Variants in HIBADH observed in about 807,000 individuals in gnomAD.
HIBADH encodes 3-hydroxyisobutyrate dehydrogenase, mitochondrial.
A neutral mutation model predicts 36.1 loss-of-function variants in HIBADH; 25 were observed. The ratio of observed to expected loss-of-function variants is 0.69; its 90% CI spans 0.50 to 0.97. The LOEUF (loss-of-function observed/expected upper bound fraction) is 0.97, where lower values mean the gene tolerates loss of function less well. Ranked by LOEUF, HIBADH falls within the 50% of genes least tolerant of loss-of-function variation. The pLI, the probability that HIBADH is intolerant of heterozygous loss-of-function variation, is 0.00. For missense variants in HIBADH, 421 were observed against 418.0 expected (o/e 1.01, Z -0.06); for synonymous variants, 160 against 149.5 (o/e 1.07, Z -0.51).
At chr7:27,662,293 C>A (rs781216007) in intron 1 of HIBADH, among the ~76,000 whole-genome samples, 58 of 152,156 alleles carry the variant, frequency 3.8e-4, no homozygotes, top group Middle Eastern at 3.4e-3. Flanking sequence ...CAAGGTGCAC[C>A]CTGGGGGCGC....
At chr7:27,531,432 CTTCTCTCTCCATT>C (rs1215028137) in intron 6 of HIBADH, 84 bp from the exon 7 acceptor site, 1 of 1,182,154 alleles carries the variant, frequency 8.5e-7, no homozygotes, top group Non-Finnish European at 1.2e-6. Context: ...GATGCTCCAT[CTTCTCTCTCCATT>C]TATTATATGT....
intron 2 of HIBADH, among the ~76,000 whole-genome samples, chr7:27,646,091 G>A (rs1372473315): frequency 1.3e-5 from 2 of 152,036 alleles, no homozygotes; most frequent in African/African-American, 4.8e-5. Context: ...CATCTTTGGG[G>A]GTTGGGGAGG....
intron 6 of HIBADH, among the ~76,000 whole-genome samples, chr7:27,536,003 T>C (rs964958176): frequency 6.6e-6 from 1 of 152,080 alleles, no homozygotes; most frequent in African/African-American, 2.4e-5. Flanking sequence ...CACTTCAGAG[T>C]GGGCAGAATA....
intron 3 of HIBADH, among the ~76,000 whole-genome samples, chr7:27,631,913 A>G (rs1312154712): frequency 6.6e-6 from 1 of 152,240 alleles, no homozygotes. Context: ...CCCACAGGAC[A>G]TAACTTTTTT....
chr7:27,530,054 C>T (rs970776078), intron 7 of HIBADH, among the ~76,000 whole-genome samples: 2 of 152,174 alleles, frequency 1.3e-5, no homozygotes, highest in African/African-American at 2.4e-5. Context: ...AATGCTAATG[C>T]ACACTTAATA....
intron 7 of HIBADH, among the ~76,000 whole-genome samples, chr7:27,529,631 G>C (rs989022703): frequency 7.2e-5 from 11 of 152,220 alleles, no homozygotes; most frequent in Non-Finnish European, 1.6e-4. Context: ...GATGAGCAAA[G>C]AAAGTGGTTT....
chr7:27,544,016 T>C (rs994956829), intron 4 of HIBADH, among the ~76,000 whole-genome samples: 7 of 152,200 alleles, frequency 4.6e-5, no homozygotes, highest in African/African-American at 1.7e-4. Flanking sequence ...TCTTGATTCA[T>C]AATTTTCAAG....
intron 4 of HIBADH, among the ~76,000 whole-genome samples, chr7:27,607,790 T>C (rs1785255803): frequency 6.6e-6 from 1 of 152,138 alleles, no homozygotes; most frequent in Non-Finnish European, 1.5e-5. Context: ...TAATAAAATA[T>C]GCCATTAGTG....
intron 1 of HIBADH, among the ~76,000 whole-genome samples, chr7:27,660,822 A>C (rs1276586640): frequency 1.3e-5 from 2 of 152,236 alleles, no homozygotes; most frequent in South Asian, 2.1e-4. Flanking sequence ...AAAGTAGTCT[A>C]ATCAGCACTC....
intron 2 of HIBADH, among the ~76,000 whole-genome samples, chr7:27,645,380 T>TTG (rs1786047691): frequency 7.8e-6 from 1 of 128,788 alleles, no homozygotes; most frequent in Non-Finnish European, 1.6e-5. Context: ...TTTTTTTTTT[T>TTG]TTTTTTTTTT....
intron 5 of HIBADH, chr7:27,541,874 G>A (rs1784156443): frequency 3.2e-6 from 1 of 316,684 alleles, no homozygotes; most frequent in Admixed American, 4.6e-5. Context: ...GACATTTTAT[G>A]CTCAATACTT....
intron 7 of HIBADH, among the ~76,000 whole-genome samples, chr7:27,529,467 T>G (rs1783960595): frequency 6.6e-6 from 1 of 152,198 alleles, no homozygotes; most frequent in African/African-American, 2.4e-5. Context: ...CCAATGCTCA[T>G]GGATAACTTT....
intron 1 of HIBADH, among the ~76,000 whole-genome samples, chr7:27,656,050 G>C (rs1311781292): frequency 6.6e-6 from 1 of 152,074 alleles, no homozygotes; most frequent in Non-Finnish European, 1.5e-5. Context: ...CTACACATGA[G>C]GGGCCAGCCA....
Position 27,549,061 on chromosome 7 carries a change from C to T in HIBADH, c.485-5961G>A, listed in dbSNP as rs113278205. On this transcript the variant is annotated intron_variant, in intron 4 of 7. Coordinates refer to ENST00000265395, the MANE Select transcript of HIBADH (RefSeq NM_152740.4). ...GTAATCTGGTATGCTTTTTATTAGA[C>T]GCTGAGTTCTGCCTGTTATCTAAAT... Among the ~76,000 whole-genome samples, 1,079 of 152,118 alleles carry T rather than the reference C, an allele frequency of 7.1e-3. 13 individuals are homozygous for T. Among genetic ancestry groups the T allele is most frequent in the African/African-American group, 0.024 (1,011 of 41,502 alleles).
chr7:27,657,037 T>A (rs886269745), intron 1 of HIBADH, among the ~76,000 whole-genome samples: 2 of 152,152 alleles, frequency 1.3e-5, no homozygotes, highest in East Asian at 3.9e-4. Context: ...AAATGACTGG[T>A]TCAGGAGCTG....
chr7:27,549,936 TCTCG>T (rs1784294570), intron 4 of HIBADH, among the ~76,000 whole-genome samples: 1 of 152,092 alleles, frequency 6.6e-6, no homozygotes, highest in Non-Finnish European at 1.5e-5. Flanking sequence ...TGAGATGGAG[TCTCG>T]CTCAGTCGCC....
chr7:27,652,493 C>T (rs945567721), intron 1 of HIBADH, among the ~76,000 whole-genome samples: 1 of 152,124 alleles, frequency 6.6e-6, no homozygotes, highest in Non-Finnish European at 1.5e-5. Context: ...AGCCTGGAGG[C>T]AAGAAGACCA....
intron 3 of HIBADH, among the ~76,000 whole-genome samples, chr7:27,630,933 G>T (rs968752110): frequency 1.3e-5 from 2 of 152,018 alleles, no homozygotes; most frequent in African/African-American, 2.4e-5. Context: ...AATATTTTAA[G>T]ATCTTAAACC....
chr7:27,618,835 G>C (rs1444655275), intron 4 of HIBADH, among the ~76,000 whole-genome samples: 1 of 152,108 alleles, frequency 6.6e-6, no homozygotes, highest in African/African-American at 2.4e-5. Flanking sequence ...GCCAGAGTGG[G>C]AGCAAGAGAG....
Sources: allele counts gnomAD v4.1 joint callset (sites outside exome capture counted in the v4.1 genomes callset), GRCh38; gene constraint gnomAD v4.1.1; transcripts MANE v1.5; gene names NCBI Gene and HGNC (gene_info 2026-07-23, HGNC 2026-07-21).